The following MYOCD variants were observed in gnomAD, a reference collection of about 807,000 sequenced individuals.
The protein encoded by MYOCD is myocardin.
A neutral mutation model predicts 96.1 loss-of-function variants in MYOCD; 32 were observed. The ratio of observed to expected loss-of-function variants is 0.33; its 90% CI spans 0.25 to 0.45. MYOCD has a LOEUF of 0.45. Ranked by LOEUF, MYOCD falls within the 20% of genes least tolerant of loss-of-function variation. The probability of loss-of-function intolerance (pLI) is 1.00; values close to 1 mark genes in which losing one functional copy is unlikely to be tolerated. For missense variants in MYOCD, 1,133 were observed against 1,200.6 expected, an observed-to-expected ratio of 0.94 and a Z score of 0.83; for synonymous variants, 469 against 469.0, an observed-to-expected ratio of 1.00 and a Z score of 0.00.
At chr17:12,675,541 G>T (rs914418177) in intron 1 of MYOCD, among the ~76,000 whole-genome samples, 2 of 152,156 alleles carry the variant, frequency 1.3e-5, no homozygotes, top group African/African-American at 4.8e-5. Context: ...AAACAATCCG[G>T]CAACATATTT....
chr17:12,680,853 T>G (rs1265340096), intron 1 of MYOCD, among the ~76,000 whole-genome samples: 3 of 152,234 alleles, frequency 2.0e-5, no homozygotes, highest in Non-Finnish European at 4.4e-5. Context: ...GTGACAGTGT[T>G]GTCAGCTGCT....
chr17:12,728,016 G>A (rs560529580), intron 5 of MYOCD, among the ~76,000 whole-genome samples: 41 of 152,304 alleles, frequency 2.7e-4, no homozygotes, highest in African/African-American at 9.1e-4. Flanking sequence ...CTGTATCTGA[G>A]AGCATGCACC....
intron 11 of MYOCD, among the ~76,000 whole-genome samples, 169 bp from the exon 12 acceptor site, chr17:12,757,915 CA>C (rs1262329638): frequency 1.3e-5 from 2 of 152,190 alleles, no homozygotes; most frequent in East Asian, 1.9e-4. Flanking sequence ...AATGAACCCA[CA>C]GTAGCATTCA....
At chr17:12,688,992 T>C (rs1597738367) in intron 1 of MYOCD, among the ~76,000 whole-genome samples, 1 of 152,230 alleles carries the variant, frequency 6.6e-6, no homozygotes, top group Non-Finnish European at 1.5e-5. Context: ...TTCACACCCA[T>C]GTGCACACAC....
chr17:12,723,541 C>T (rs2031909312), intron 5 of MYOCD, among the ~76,000 whole-genome samples: 1 of 152,166 alleles, frequency 6.6e-6, no homozygotes, highest in African/African-American at 2.4e-5. Flanking sequence ...ACTTGCTCCA[C>T]GAAGTCAAAG....
Position 12,710,670 on chromosome 17 carries a change from A to G in MYOCD, c.122-4849A>G, listed in dbSNP as rs185295246. On this transcript the variant is annotated intron_variant, in intron 2 of 13. Coordinates refer to ENST00000425538, the MANE Select transcript of MYOCD (RefSeq NM_001146312.3). ...GGACAAAGTCTCTCTTCCTTTTCTC[A>G]GTGCATTCATTTGACTTGGCTTTTC... The G allele has an allele frequency of 1.4e-3, 290 of 210,954 alleles. 2 individuals are homozygous for G. Among genetic ancestry groups the G allele is most frequent in the African/African-American group, 6.7e-3 (285 of 42,550 alleles). 13.1% of individuals were successfully genotyped at this position (210,954 alleles called of 1,614,324 possible).
intron 1 of MYOCD, among the ~76,000 whole-genome samples, chr17:12,680,449 C>G (rs534624608): frequency 6.6e-6 from 1 of 152,294 alleles, no homozygotes; most frequent in East Asian, 1.9e-4. Context: ...GATCTCCTGG[C>G]ACCCAATCTT....
At chr17:12,760,372 T>C (rs1178756688) in intron 12 of MYOCD, 5 of 397,888 alleles carry the variant, frequency 1.3e-5, no homozygotes, top group Non-Finnish European at 2.4e-5. Context: ...AAATTATGGT[T>C]GAATGGGTAC....
intron 12 of MYOCD, among the ~76,000 whole-genome samples, chr17:12,759,640 G>T (rs2150727373): frequency 6.6e-6 from 1 of 152,270 alleles, no homozygotes; most frequent in Non-Finnish European, 1.5e-5. Context: ...CAAAAGAAAA[G>T]GGCCAGGCAA....
chr17:12,723,107 C>A, intron 5 of MYOCD, 99 bp downstream of exon 5: 2 of 1,179,520 alleles, frequency 1.7e-6, no homozygotes, highest in South Asian at 1.5e-5. Flanking sequence ...GAGGGCCTCT[C>A]ACCAGATAAG....
At chr17:12,715,710 G>T in intron 3 of MYOCD, 136 bp downstream of exon 3, 1 of 577,268 alleles carries the variant, frequency 1.7e-6, no homozygotes, top group South Asian at 2.5e-5. Context: ...CATATCATGT[G>T]GAATCTTACT....
intron 2 of MYOCD, chr17:12,705,710 T>C (rs1284473145): frequency 6.6e-6 from 1 of 152,228 alleles, no homozygotes; most frequent in Non-Finnish European, 1.5e-5. Context: ...ATTGTATCTT[T>C]TAGAAGATAT....
intron 9 of MYOCD, among the ~76,000 whole-genome samples, chr17:12,749,085 C>T (rs1334433280): frequency 6.6e-6 from 1 of 150,812 alleles, no homozygotes; most frequent in Non-Finnish European, 1.5e-5. Context: ...AAATTACTGG[C>T]ATACTTCTTT....
chr17:12,691,457 G>A (rs1314511850), intron 1 of MYOCD, among the ~76,000 whole-genome samples: 1 of 152,140 alleles, frequency 6.6e-6, no homozygotes, highest in African/African-American at 2.4e-5. Context: ...CATCACCTGT[G>A]TTGGTCGGAA....
At position 12,766,053 on chromosome 17, in the gene MYOCD, A is replaced by G. The variant is rs778617750; in HGVS notation, c.*2409A>G. On this transcript the variant is annotated 3_prime_UTR_variant, in exon 14 of 14. Transcript: ENST00000425538. The stretch of plus-strand genomic sequence containing the variant: ...CTGGGGAAGAAAACCTTATTAATAC[A>G]CTCCACACATTTGTTCATTCCTCAG... 10 of 151,798 alleles carry G rather than the reference A, an allele frequency of 6.6e-5. No homozygotes were observed. Among genetic ancestry groups the G allele is most frequent in the South Asian group, 4.2e-4 (2 of 4,806 alleles). The allele number at this position is 151,798 out of a possible 1,614,324, so 9.4% of individuals were successfully genotyped here.
intron 9 of MYOCD, among the ~76,000 whole-genome samples, chr17:12,749,707 G>GTGTATATATACATATA (rs1567598169): frequency 1.5e-5 from 2 of 135,736 alleles, no homozygotes; most frequent in African/African-American, 2.8e-5. Context: ...GTATACATAT[G>GTGTATATATACATATA]TGTATATATA....
chr17:12,753,030 T>G lies in MYOCD; in HGVS notation c.1742T>G (p.Phe581Cys), dbSNP rs2150720372. The G allele has an allele frequency of 6.2e-7, 1 of 1,614,154 alleles. No homozygotes were observed. Among genetic ancestry groups the G allele is most frequent in the Non-Finnish European group, 8.5e-7 (1 of 1,180,024 alleles). The change falls in exon 10 of 14, where the codon TTT (phenylalanine) becomes TGT (cysteine). Residue 581 changes from phenylalanine to cysteine, a missense_variant. Phe to Cys is a radical substitution (Grantham distance 205). Coordinates refer to ENST00000425538, the MANE Select transcript of MYOCD (RefSeq NM_001146312.3). ...GAAGAGGCTGTCTCCAGCTGTCCTT[T>G]TGCATCCCAAGTACCTGTGAAAAGA... ...KQEEAVSSCP[F>C]ASQVPVKRQS...
chr17:12,736,407 T>C, intron 6 of MYOCD, 71 bp downstream of exon 6: 2 of 1,487,462 alleles, frequency 1.3e-6, no homozygotes, highest in Non-Finnish European at 1.8e-6. Flanking sequence ...AGTCTTAACA[T>C]CAACACTGTT....
At chr17:12,719,490 C>T (rs2031756903) in intron 4 of MYOCD, among the ~76,000 whole-genome samples, 1 of 151,870 alleles carries the variant, frequency 6.6e-6, no homozygotes, top group South Asian at 2.1e-4. Flanking sequence ...AAATGTCTAA[C>T]AATAGAGGAT....
Sources: allele counts gnomAD v4.1 joint callset (sites outside exome capture counted in the v4.1 genomes callset), GRCh38; gene constraint gnomAD v4.1.1; transcripts MANE v1.5; gene names NCBI Gene and HGNC (gene_info 2026-07-23, HGNC 2026-07-21).